TTLL5: variants seen among roughly 807,000 people sequenced by gnomAD.
The protein encoded by TTLL5 is tubulin polyglutamylase TTLL5.
TTLL5 carries 132 observed loss-of-function variants against 168.4 expected under a neutral mutation model. The ratio of observed to expected loss-of-function variants is 0.78; its 90% confidence interval spans 0.68 to 0.91. The LOEUF (loss-of-function observed/expected upper bound fraction) is 0.91. Ranked by LOEUF, TTLL5 falls within the 40% of genes least tolerant of loss-of-function variation. The pLI, the probability that TTLL5 is intolerant of heterozygous loss-of-function variation, is 0.00. For synonymous variants in TTLL5, 546 were observed against 558.6 expected (o/e 0.98, Z 0.32); for missense variants, 1,545 against 1,581.5 (o/e 0.98, Z 0.39).
intron 31 of TTLL5, among the ~76,000 whole-genome samples, chr14:75,950,060 A>G (rs1022550916): frequency 1.3e-5 from 2 of 152,218 alleles, no homozygotes; most frequent in African/African-American, 2.4e-5. Context: ...AAAAATTACC[A>G]TCAAGCTAAC....
intron 29 of TTLL5, among the ~76,000 whole-genome samples, chr14:75,869,477 A>G (rs937494147): frequency 6.6e-6 from 1 of 152,138 alleles, no homozygotes; most frequent in African/African-American, 2.4e-5. Context: ...ATACCTGTGT[A>G]TTATCATGAT....
chr14:75,727,678 C>G, intron 12 of TTLL5: 1 of 324,334 alleles, frequency 3.1e-6, no homozygotes. Context: ...GTAAATTAGA[C>G]TTTGATAAAT....
chr14:75,858,708 A>G (rs935379265), intron 28 of TTLL5, among the ~76,000 whole-genome samples: 1 of 152,192 alleles, frequency 6.6e-6, no homozygotes, highest in African/African-American at 2.4e-5. Context: ...TGTATCCACC[A>G]CTGTGAGTTT....
chr14:75,706,353 A>C (rs570726167), intron 7 of TTLL5, among the ~76,000 whole-genome samples: 1 of 152,368 alleles, frequency 6.6e-6, no homozygotes, highest in East Asian at 1.9e-4. Context: ...TCTGCCAGGC[A>C]GAGATTATAT....
chr14:75,695,722 A>C (rs1885793268), intron 6 of TTLL5, among the ~76,000 whole-genome samples: 1 of 152,086 alleles, frequency 6.6e-6, no homozygotes, highest in Non-Finnish European at 1.5e-5. Flanking sequence ...CGATAGCCAG[A>C]AGCATTAACT....
rs933432641 is a variant in TTLL5 at position 75,767,934 on chromosome 14, G to A, written c.2015+1566G>A. Among the ~76,000 whole-genome samples, 16 of 152,316 alleles carry A rather than the reference G, an allele frequency of 1.1e-4. No homozygotes were observed. The East Asian group carries it at 1.3e-3, about 13-fold the overall frequency. On this transcript the variant is annotated intron_variant, in intron 20 of 31. Coordinates refer to ENST00000298832, the MANE Select transcript of TTLL5 (RefSeq NM_015072.5). ...TAAGTTTTTCACATTTGGAAACTTGGTGGTGCCTTTGGTCAATATAAGGAA... is the reference window on the plus strand; with the variant it reads ...TAAGTTTTTCACATTTGGAAACTTGATGGTGCCTTTGGTCAATATAAGGAA...
intron 29 of TTLL5, among the ~76,000 whole-genome samples, chr14:75,870,663 T>C (rs1417413842): frequency 3.9e-5 from 6 of 152,174 alleles, no homozygotes; most frequent in African/African-American, 1.2e-4. Flanking sequence ...TTCAACACTG[T>C]TACTGGTAAT....
At chr14:75,905,422 C>A (rs535427519) in intron 31 of TTLL5, among the ~76,000 whole-genome samples, 10 of 152,170 alleles carry the variant, frequency 6.6e-5, no homozygotes, top group Admixed American at 1.3e-4. Flanking sequence ...GAGTCCTTTC[C>A]TATAGATGGT....
Position 75,902,130 on chromosome 14 carries a change from T to C in TTLL5, c.3741-12T>C. ...CCGCCTGCAGGTCTGACCAAGCTCC[T>C]TTGTGTTTCAGAGGGTCCTCCGCGG... is the stretch of plus-strand genomic sequence containing the variant. On this transcript the variant is annotated splice_polypyrimidine_tract_variant and intron_variant, in intron 30 of 31. Coordinates refer to ENST00000298832, the MANE Select transcript of TTLL5 (RefSeq NM_015072.5). 1.9e-6 allele frequency: 3 copies of C among 1,614,088 alleles called. No homozygotes were observed. The highest frequency in any genetic ancestry group is 2.5e-6 in the Non-Finnish European group (3 of 1,179,972).
At chr14:75,665,622 G>T (rs562171801) in intron 2 of TTLL5, among the ~76,000 whole-genome samples, 6 of 152,220 alleles carry the variant, frequency 3.9e-5, no homozygotes, top group Non-Finnish European at 7.3e-5. Flanking sequence ...ACTTTGGGAG[G>T]CCGAGGTGGG....
chr14:75,836,435 G>A (rs1453881434), intron 28 of TTLL5, among the ~76,000 whole-genome samples: 1 of 151,676 alleles, frequency 6.6e-6, no homozygotes, highest in Non-Finnish European at 1.5e-5. Context: ...AAGTGGGGAT[G>A]GTTAATGGAT....
chr14:75,891,260 C>T (rs2032388345), intron 30 of TTLL5, among the ~76,000 whole-genome samples: 1 of 152,188 alleles, frequency 6.6e-6, no homozygotes, highest in African/African-American at 2.4e-5. Context: ...GCCTTTAATT[C>T]AAGATTGGGT....
intron 31 of TTLL5, among the ~76,000 whole-genome samples, chr14:75,946,120 C>A (rs991212320): frequency 4.3e-4 from 65 of 151,954 alleles, no homozygotes; most frequent in African/African-American, 1.5e-3. Context: ...ATTATAATAC[C>A]AGAAGAAAGG....
intron 31 of TTLL5, among the ~76,000 whole-genome samples, chr14:75,928,137 A>G (rs1076579): frequency 6.6e-6 from 1 of 151,634 alleles, no homozygotes; most frequent in South Asian, 2.1e-4. Flanking sequence ...ACCAAACCCA[A>G]CTCAAAAAGG....
chr14:75,886,783 C>G (rs2032147550), intron 30 of TTLL5: 1 of 1,594,284 alleles, frequency 6.3e-7, no homozygotes, highest in South Asian at 1.1e-5. Context: ...AGCCTACAAA[C>G]AACTACATGC....
intron 31 of TTLL5, among the ~76,000 whole-genome samples, chr14:75,922,477 C>A (rs2033860910): frequency 6.6e-6 from 1 of 152,190 alleles, no homozygotes; most frequent in African/African-American, 2.4e-5. Flanking sequence ...TTTTCTGCAT[C>A]TATTGAGATA....
At chr14:75,914,033 A>AAAAAAATATATATATATATAT in intron 31 of TTLL5, among the ~76,000 whole-genome samples, 11 of 71,072 alleles carry the variant, frequency 1.5e-4, no homozygotes, top group African/African-American at 6.2e-4. Flanking sequence ...AAAAAAAAAA[A>AAAAAAATATATATATATATAT]ATATATATAT....
chr14:75,762,570 A>G (rs1179598834), intron 18 of TTLL5, among the ~76,000 whole-genome samples: 1 of 152,208 alleles, frequency 6.6e-6, no homozygotes. Flanking sequence ...CAAGACAAAC[A>G]TGGTCCTTGC....
chr14:75,728,674 T>C lies in TTLL5; in HGVS notation c.1043-3664T>C, dbSNP rs200353751. ...TTGGCTAAAGATGTGATTTGAATATTATCATCATCATCATCATCGTCATAT... is the reference window on the plus strand; with the variant it reads ...TTGGCTAAAGATGTGATTTGAATATCATCATCATCATCATCATCGTCATAT... On this transcript the variant is annotated intron_variant, in intron 12 of 31. Transcript: ENST00000298832. Among the ~76,000 whole-genome samples, 675 of 150,984 alleles carry C rather than the reference T, an allele frequency of 4.5e-3. 3 individuals carry two copies. Among genetic ancestry groups the C allele is most frequent in the Middle Eastern group, 0.014 (4 of 294 alleles).
Sources: allele counts gnomAD v4.1 joint callset (sites outside exome capture counted in the v4.1 genomes callset), GRCh38; gene constraint gnomAD v4.1.1; transcripts MANE v1.5; gene names NCBI Gene and HGNC (gene_info 2026-07-23, HGNC 2026-07-21).